The following PPP4R3A variants were observed in gnomAD, a reference collection of about 807,000 sequenced individuals.
PPP4R3A encodes serine/threonine-protein phosphatase 4 regulatory subunit 3A.
In PPP4R3A, 15 loss-of-function variants were observed where a neutral mutation model predicts 91.7. That is an observed-to-expected ratio of 0.16 (90% CI 0.11 to 0.25). The LOEUF is 0.25. Among genes scored for constraint, PPP4R3A ranks in the 10% least tolerant of loss-of-function variants. The probability of loss-of-function intolerance (pLI) is 1.00; values close to 1 mark genes in which losing one functional copy is unlikely to be tolerated. For missense variants in PPP4R3A, 623 were observed against 998.4 expected (o/e 0.62, Z 5.07); for synonymous variants, 377 against 348.7 (o/e 1.08, Z -0.91).
intron 1 of PPP4R3A, among the ~76,000 whole-genome samples, chr14:91,496,955 A>C (rs1890612373): frequency 6.6e-6 from 1 of 152,168 alleles, no homozygotes; most frequent in African/African-American, 2.4e-5. Context: ...AATATCAATT[A>C]ACACAATCCT....
At chr14:91,501,481 C>G (rs1053390570) in intron 1 of PPP4R3A, among the ~76,000 whole-genome samples, 10 of 152,002 alleles carry the variant, frequency 6.6e-5, no homozygotes, top group African/African-American at 9.7e-5. Context: ...TAAGGTGACC[C>G]CATCTCTACA....
chr14:91,510,073 A>C lies in PPP4R3A; in HGVS notation c.-426T>G. ...CCGCCGCCATATTTTCCTTCCTTATACCTGGCCCTGCCACCGCGGCCAGTG... is the reference window on the plus strand; with the variant it reads ...CCGCCGCCATATTTTCCTTCCTTATCCCTGGCCCTGCCACCGCGGCCAGTG... On this transcript the variant is annotated 5_prime_UTR_variant, in exon 1 of 15. Coordinates refer to ENST00000554943, the MANE Select transcript of PPP4R3A (RefSeq NM_001366432.2). 4.6e-6 allele frequency: 2 copies of C among 438,560 alleles called. No individual in the cohort carries two copies. The highest frequency in any genetic ancestry group is 6.1e-6 in the Non-Finnish European group (2 of 329,030). The allele number at this position is 438,560 out of a possible 1,614,324, so 27.2% of individuals were successfully genotyped here. A position where few individuals can be genotyped will look rare whatever the true frequency, so the allele number is the denominator to read the frequency against.
chr14:91,484,624 A>C (rs931849973), intron 3 of PPP4R3A, among the ~76,000 whole-genome samples: 4 of 152,312 alleles, frequency 2.6e-5, no homozygotes, highest in Admixed American at 1.3e-4. Flanking sequence ...GATTTTAAAA[A>C]ACAATTATTG....
intron 10 of PPP4R3A, chr14:91,466,129 C>T (rs1375490713): frequency 5.4e-6 from 3 of 557,342 alleles, no homozygotes; most frequent in East Asian, 1.5e-4. Flanking sequence ...TGGGGAGTTA[C>T]TTAAGTCACC....
chr14:91,466,459 T>C (rs1259587976), intron 10 of PPP4R3A: 1 of 985,690 alleles, frequency 1.0e-6, no homozygotes, highest in Non-Finnish European at 1.2e-6. Flanking sequence ...AATTTTTCTT[T>C]AGTTGGCAGA....
chr14:91,470,841 T>C lies in PPP4R3A; in HGVS notation c.1656A>G (p.Ala552=). Residue 552 remains alanine (A), a synonymous_variant, in exon 10 of 15, where the codon GCA becomes GCG. Coordinates refer to ENST00000554943, the MANE Select transcript of PPP4R3A (RefSeq NM_001366432.2). ...VLMASKHAFL[A]LCALRFKRKI... is the part of the protein sequence containing the mutation. Reference sequence around the variant, plus strand: ...ATAAATAATTCTAACACTTACATAATGCCAAGAAAGCATGCTTCGAGGCCA... The same window carrying C: ...ATAAATAATTCTAACACTTACATAACGCCAAGAAAGCATGCTTCGAGGCCA... 6.2e-7 allele frequency: 1 copy of C among 1,605,070 alleles called. No homozygotes were observed. The highest frequency in any genetic ancestry group is 8.5e-7 in the Non-Finnish European group (1 of 1,178,076).
intron 10 of PPP4R3A, among the ~76,000 whole-genome samples, chr14:91,468,215 A>G (rs1024194523): frequency 6.6e-6 from 1 of 152,220 alleles, no homozygotes; most frequent in Non-Finnish European, 1.5e-5. Flanking sequence ...TAACATACTT[A>G]GTTTCCAACA....
chr14:91,458,685 T>G lies in PPP4R3A; in HGVS notation c.*74A>C, dbSNP rs1887921037. 6.2e-7 allele frequency: 1 copy of G among 1,609,466 alleles called. No homozygotes were observed. Among genetic ancestry groups the G allele is most frequent in the Admixed American group, 1.7e-5 (1 of 59,988 alleles). ...TTCACAAGAGACCACTGCGCTTTGT[T>G]GTGGATTTTGTATGGGGGAGGGGTG... On this transcript the variant is annotated 3_prime_UTR_variant, in exon 15 of 15. Transcript: ENST00000554943.
intron 10 of PPP4R3A, among the ~76,000 whole-genome samples, chr14:91,468,578 A>G (rs188606780): frequency 7.5e-6 from 1 of 133,346 alleles, no homozygotes; most frequent in Non-Finnish European, 1.5e-5. Flanking sequence ...CTGAGGCAGG[A>G]GAATTGCTTG....
At chr14:91,505,334 T>A (rs1320499489) in intron 1 of PPP4R3A, among the ~76,000 whole-genome samples, 2 of 151,644 alleles carry the variant, frequency 1.3e-5, no homozygotes, top group Admixed American at 6.6e-5. Flanking sequence ...ACGCCTGTAA[T>A]CCCAGGCTTG....
intron 11 of PPP4R3A, among the ~76,000 whole-genome samples, chr14:91,464,884 C>T (rs944238527): frequency 2.0e-5 from 3 of 152,160 alleles, no homozygotes; most frequent in Non-Finnish European, 4.4e-5. Flanking sequence ...ATTGTTCCAC[C>T]TCACAGTTAA....
At chr14:91,498,890 C>T (rs1376922468) in intron 1 of PPP4R3A, among the ~76,000 whole-genome samples, 4 of 145,270 alleles carry the variant, frequency 2.8e-5, no homozygotes, top group African/African-American at 1.0e-4. Context: ...CTCCATCCAG[C>T]CTGGGCGACA....
At chr14:91,471,908 T>C (rs1415809976) in intron 9 of PPP4R3A, among the ~76,000 whole-genome samples, 1 of 151,550 alleles carries the variant, frequency 6.6e-6, no homozygotes, top group Non-Finnish European at 1.5e-5. Flanking sequence ...CTACTAAAAA[T>C]ATAAAAATTA....
intron 10 of PPP4R3A, among the ~76,000 whole-genome samples, chr14:91,467,885 A>ATTT (rs1888571293): frequency 6.6e-6 from 1 of 152,208 alleles, no homozygotes; most frequent in African/African-American, 2.4e-5. Context: ...CTAAACTTAA[A>ATTT]TATCAATAAA....
chr14:91,482,254 C>T lies in PPP4R3A; in HGVS notation c.298-61G>A, dbSNP rs886105818. 6 of 1,495,166 alleles carry T rather than the reference C, an allele frequency of 4.0e-6. No individual in the cohort carries two copies. The African/African-American group carries it at 5.6e-5, about 14-fold the overall frequency. 92.6% of individuals were successfully genotyped at this position (1,495,166 alleles called of 1,614,324 possible). The stretch of plus-strand genomic sequence containing the variant: ...AACAGGTGACCAGCAAACCTAAATG[C>T]TACTCTAAGATGAATACTAGAAATG... On this transcript the variant is annotated intron_variant, in intron 3 of 14. Coordinates refer to ENST00000554943, the MANE Select transcript of PPP4R3A (RefSeq NM_001366432.2).
chr14:91,481,273 G>C (rs904355807), intron 4 of PPP4R3A, among the ~76,000 whole-genome samples: 3 of 152,182 alleles, frequency 2.0e-5, no homozygotes, highest in Non-Finnish European at 4.4e-5. Context: ...CGAAGGTGGA[G>C]GTTGCAGTCG....
intron 1 of PPP4R3A, among the ~76,000 whole-genome samples, chr14:91,500,032 T>C (rs1890842438): frequency 6.6e-6 from 1 of 152,058 alleles, no homozygotes; most frequent in African/African-American, 2.4e-5. Context: ...ACTCAGCAAA[T>C]ATTTTTAAAA....
intron 10 of PPP4R3A, among the ~76,000 whole-genome samples, chr14:91,466,684 G>C (rs936037653): frequency 2.6e-5 from 4 of 151,922 alleles, no homozygotes; most frequent in African/African-American, 9.7e-5. Context: ...ACACTAAGAG[G>C]CATCTTTCTG....
rs1337357861 is a variant in PPP4R3A, at chr14:91,458,686, G to A, written c.*73C>T. 6.2e-7 allele frequency: 1 copy of A among 1,609,628 alleles called. No homozygotes were observed. The highest frequency in any genetic ancestry group is 1.3e-5 in the African/African-American group (1 of 74,710). ...TCACAAGAGACCACTGCGCTTTGTTGTGGATTTTGTATGGGGGAGGGGTGG... is the reference window on the plus strand; with the variant it reads ...TCACAAGAGACCACTGCGCTTTGTTATGGATTTTGTATGGGGGAGGGGTGG... On this transcript the variant is annotated 3_prime_UTR_variant, in exon 15 of 15. Coordinates refer to ENST00000554943, the MANE Select transcript of PPP4R3A (RefSeq NM_001366432.2).
Sources: gnomAD v4.1 joint callset for allele counts (sites outside exome capture counted in the v4.1 genomes callset) on GRCh38, gnomAD v4.1.1 for gene constraint, MANE v1.5 for transcripts, NCBI Gene and HGNC (gene_info 2026-07-23, HGNC 2026-07-21) for gene names.